Variants in CDH13 observed in about 807,000 individuals in gnomAD.
The protein encoded by CDH13 is cadherin-13.
Under a neutral mutation model 63.8 loss-of-function variants are expected in CDH13, and 24 were observed. That is an observed-to-expected ratio of 0.38 (90% CI 0.27 to 0.53). The LOEUF (loss-of-function observed/expected upper bound fraction) is 0.53. Among genes scored for constraint, CDH13 ranks in the 20% least tolerant of loss-of-function variants. The pLI is 0.85. For synonymous variants in CDH13, 503 were observed against 355.3 expected, an observed-to-expected ratio of 1.42 and a Z score of -4.67; for missense variants, 1,049 against 903.1, an observed-to-expected ratio of 1.16 and a Z score of -2.07.
intron 11 of CDH13, among the ~76,000 whole-genome samples, chr16:83,759,435 A>G (rs1200728123): frequency 2.0e-5 from 3 of 152,210 alleles, no homozygotes; most frequent in Admixed American, 1.3e-4. Flanking sequence ...GAAAAAATGC[A>G]TATTTTAGAG....
chr16:83,082,973 C>G (rs933967295), intron 3 of CDH13, among the ~76,000 whole-genome samples: 1 of 83,536 alleles, frequency 1.2e-5, no homozygotes, highest in African/African-American at 4.9e-5. Context: ...TTTCAAGAGA[C>G]TTTTCTAGTA....
At chr16:83,234,844 A>AC (rs2040099422) in intron 5 of CDH13, among the ~76,000 whole-genome samples, 1 of 152,174 alleles carries the variant, frequency 6.6e-6, no homozygotes, top group Admixed American at 6.5e-5. Flanking sequence ...TGAAAGAACC[A>AC]AATGACAAAC....
At chr16:83,678,503 G>A (rs1234985991) in intron 10 of CDH13, 42 bp downstream of exon 10, 1 of 1,609,830 alleles carries the variant, frequency 6.2e-7, no homozygotes, top group Non-Finnish European at 8.5e-7. Flanking sequence ...AGGTGGGCAG[G>A]AATGGCTTTT....
chr16:83,479,004 G>A (rs2073687089), intron 6 of CDH13, among the ~76,000 whole-genome samples: 1 of 152,158 alleles, frequency 6.6e-6, no homozygotes, highest in African/African-American at 2.4e-5. Flanking sequence ...CACATGCCCT[G>A]CCAAACGTGG....
intron 2 of CDH13, among the ~76,000 whole-genome samples, chr16:82,909,121 T>A (rs2041743464): frequency 6.6e-6 from 1 of 152,226 alleles, no homozygotes; most frequent in Non-Finnish European, 1.5e-5. Flanking sequence ...TAAATAGTTG[T>A]ACTGTATTTT....
At chr16:82,677,446 C>CTTTTTTTTT (rs3041877) in intron 1 of CDH13, among the ~76,000 whole-genome samples, 6 of 130,708 alleles carry the variant, frequency 4.6e-5, no homozygotes, top group Admixed American at 1.6e-4. Context: ...ACTCTTCTGC[C>CTTTTTTTTT]TTTTTTTTTT....
chr16:82,770,083 A>G (rs781565853), intron 1 of CDH13, among the ~76,000 whole-genome samples: 15 of 152,234 alleles, frequency 9.9e-5, no homozygotes, highest in Non-Finnish European at 2.1e-4. Flanking sequence ...ACAACTGTCT[A>G]TGGCTTGGGA....
At chr16:83,309,266 G>A (rs1306302487) in intron 5 of CDH13, among the ~76,000 whole-genome samples, 1 of 152,170 alleles carries the variant, frequency 6.6e-6, no homozygotes, top group African/African-American at 2.4e-5. Context: ...TGGGAGTACT[G>A]GGATCTTTGG....
At chr16:83,421,052 G>A (rs1166470935) in intron 6 of CDH13, among the ~76,000 whole-genome samples, 2 of 152,208 alleles carry the variant, frequency 1.3e-5, no homozygotes, top group East Asian at 1.9e-4. Context: ...CCTGTCCACA[G>A]TAAAAGCTGT....
At position 82,665,279 on chromosome 16, in the gene CDH13, T is replaced by C. The variant is rs146466357; in HGVS notation, c.45+38142T>C. On this transcript the variant is annotated intron_variant, in intron 1 of 13. Coordinates refer to ENST00000567109, the MANE Select transcript of CDH13 (RefSeq NM_001257.5). ...GTCTCTAAGTGCAAGAAGGCTGTGA[T>C]GTGTCTGACTGAGAAAATGCATGTG... Among the ~76,000 whole-genome samples, 70 of 152,344 alleles carry C rather than the reference T, an allele frequency of 4.6e-4. 1 individual carries two copies. The highest frequency in any genetic ancestry group is 1.5e-3 in the African/African-American group (64 of 41,574).
chr16:83,056,516 G>C (rs1045740820), intron 3 of CDH13, among the ~76,000 whole-genome samples: 6 of 152,022 alleles, frequency 3.9e-5, no homozygotes, highest in Non-Finnish European at 8.8e-5. Context: ...AACTTAATAG[G>C]CATAACATTG....
Position 83,362,981 on chromosome 16 carries a change from T to A in CDH13, c.781+17975T>A, listed in dbSNP as rs116038399. On this transcript the variant is annotated intron_variant, in intron 6 of 13. Coordinates refer to ENST00000567109, the MANE Select transcript of CDH13 (RefSeq NM_001257.5). ...GTCCATGGGGTTTTTCCTTACAGCATGAGACAGTCCGGCTATGCCTTGTCC... is the reference window on the plus strand; with the variant it reads ...GTCCATGGGGTTTTTCCTTACAGCAAGAGACAGTCCGGCTATGCCTTGTCC... Among the ~76,000 whole-genome samples the A allele has an allele frequency of 8.1e-3, 1,236 of 152,318 alleles. 13 individuals carry two copies. The highest frequency in any genetic ancestry group is 0.027 in the African/African-American group (1,143 of 41,574).
intron 6 of CDH13, among the ~76,000 whole-genome samples, chr16:83,430,648 C>A (rs1464550053): frequency 1.3e-5 from 2 of 152,160 alleles, no homozygotes; most frequent in Non-Finnish European, 2.9e-5. Context: ...TGAAAGAGAT[C>A]ATTTCACTGT....
intron 1 of CDH13, among the ~76,000 whole-genome samples, chr16:82,793,721 C>T (rs530823867): frequency 6.6e-5 from 10 of 152,078 alleles, no homozygotes; most frequent in East Asian, 1.9e-4. Flanking sequence ...CTGTGCTGCT[C>T]GAGATGCTTG....
At chr16:82,831,054 C>A (rs1393567625) in intron 1 of CDH13, among the ~76,000 whole-genome samples, 2 of 152,096 alleles carry the variant, frequency 1.3e-5, no homozygotes, top group Non-Finnish European at 2.9e-5. Flanking sequence ...AGTGCTGCTT[C>A]CCAATGCGTG....
chr16:83,312,656 C>T (rs1038533055), intron 5 of CDH13, among the ~76,000 whole-genome samples: 1 of 152,148 alleles, frequency 6.6e-6, no homozygotes, highest in African/African-American at 2.4e-5. Context: ...CAAAGATAAG[C>T]AGAATGCTGC....
At chr16:83,726,446 A>T (rs530486868) in intron 10 of CDH13, 8 of 152,282 alleles carry the variant, frequency 5.3e-5, no homozygotes, top group African/African-American at 1.9e-4. Context: ...TGCTGCAGCC[A>T]TTGCCACTAA....
intron 1 of CDH13, among the ~76,000 whole-genome samples, chr16:82,672,950 G>A (rs917491463): frequency 1.3e-5 from 2 of 149,346 alleles, no homozygotes; most frequent in South Asian, 2.1e-4. Flanking sequence ...GAGCAGCTGG[G>A]ACCGCAGGAT....
At chr16:83,702,174 T>C (rs1906339258) in intron 10 of CDH13, among the ~76,000 whole-genome samples, 1 of 152,162 alleles carries the variant, frequency 6.6e-6, no homozygotes, top group Non-Finnish European at 1.5e-5. Context: ...TCTGACGTAT[T>C]CCAGAGGCTT....
Sources: allele counts gnomAD v4.1 joint callset (sites outside exome capture counted in the v4.1 genomes callset), GRCh38; gene constraint gnomAD v4.1.1; transcripts MANE v1.5; gene names NCBI Gene and HGNC (gene_info 2026-07-23, HGNC 2026-07-21).